RAB3GAP2: variants seen among roughly 807,000 people sequenced by gnomAD.
RAB3GAP2 encodes the protein rab3 GTPase-activating protein non-catalytic subunit.
Under a neutral mutation model 185.3 loss-of-function variants are expected in RAB3GAP2, and 87 were observed. That is an observed-to-expected ratio of 0.47 (90% CI 0.39 to 0.56). RAB3GAP2 has a LOEUF of 0.56. Ranked by LOEUF, RAB3GAP2 falls within the 20% of genes least tolerant of loss-of-function variation. RAB3GAP2 has a pLI of 0.00. For missense variants in RAB3GAP2, 1,492 were observed against 1,638.2 expected (o/e 0.91, Z 1.54); for synonymous variants, 554 against 576.1 (o/e 0.96, Z 0.55).
intron 26 of RAB3GAP2, 23 bp downstream of exon 26, chr1:220,167,270 G>A: frequency 6.3e-7 from 1 of 1,578,558 alleles, no homozygotes; most frequent in Non-Finnish European, 8.7e-7. Flanking sequence ...GAAATAACAT[G>A]AAAGAGGTAA....
chr1:220,189,294 T>C (rs1658563190), intron 17 of RAB3GAP2, among the ~76,000 whole-genome samples: 1 of 152,010 alleles, frequency 6.6e-6, no homozygotes, highest in South Asian at 2.1e-4. Context: ...CTCAGCTCAC[T>C]GCAACCTCCG....
chr1:220,189,875 T>C (rs576537261), intron 16 of RAB3GAP2, 108 bp from the exon 17 acceptor site: 23 of 1,139,002 alleles, frequency 2.0e-5, no homozygotes, highest in South Asian at 3.1e-5. Flanking sequence ...TAAAGGATTT[T>C]TGGGTTCTCT....
intron 4 of RAB3GAP2, chr1:220,211,474 A>C (rs1659084202): frequency 2.4e-6 from 1 of 417,742 alleles, no homozygotes; most frequent in African/African-American, 2.1e-5. Context: ...TCTGCAGGGT[A>C]CATTATTTTA....
At chr1:220,256,438 C>A (rs2102527963) in intron 1 of RAB3GAP2, among the ~76,000 whole-genome samples, 1 of 152,120 alleles carries the variant, frequency 6.6e-6, no homozygotes. Flanking sequence ...GGCTAAATGC[C>A]CCAATTAAAA....
chr1:220,149,187 T>C lies in RAB3GAP2; in HGVS notation c.*2064A>G, dbSNP rs1450485485. 6.6e-6 allele frequency: 1 copy of C among 152,206 alleles called. No individual in the cohort carries two copies. The highest frequency in any genetic ancestry group is 1.9e-4 in the East Asian group (1 of 5,196). 9.4% of individuals were successfully genotyped at this position (152,206 alleles called of 1,614,324 possible). ...TAAAAGCCCTTGATAAGTAGTAAAA[T>C]ATTTAACTGCTTTTCTTAACCATAC... On this transcript the variant is annotated 3_prime_UTR_variant, in exon 35 of 35. Transcript: ENST00000358951.
intron 1 of RAB3GAP2, among the ~76,000 whole-genome samples, chr1:220,246,777 G>T (rs1255663505): frequency 4.2e-5 from 5 of 117,756 alleles, no homozygotes; most frequent in African/African-American, 1.6e-4. Context: ...TCGTGGGGTG[G>T]GGGGAGGGGG....
chr1:220,152,937 C>A (rs573896821), intron 33 of RAB3GAP2, among the ~76,000 whole-genome samples: 1 of 152,244 alleles, frequency 6.6e-6, no homozygotes, highest in Non-Finnish European at 1.5e-5. Flanking sequence ...CTATCAAGTC[C>A]ATGATGAAGG....
rs750764719 is a variant in RAB3GAP2 at position 220,193,310 on chromosome 1, T to C, written c.1200A>G (p.Ala400=). The C allele has an allele frequency of 6.2e-7, 1 of 1,614,040 alleles. No homozygotes were observed. Among genetic ancestry groups the C allele is most frequent in the Admixed American group, 1.7e-5 (1 of 60,014 alleles). ...ICLSPCNTLA[A]VTDDFGRVIL... is the part of the protein sequence containing the mutation. ...TAACTCTGCCGAAATCATCTGTTAC[T>C]GCTGCCAGTGTGTTACATGGAGACA... Residue 400 remains alanine (A), a synonymous_variant, in exon 13 of 35, where the codon GCA becomes GCG. Coordinates refer to ENST00000358951, the MANE Select transcript of RAB3GAP2 (RefSeq NM_012414.4).
intron 1 of RAB3GAP2, chr1:220,266,182 G>T: frequency 5.7e-6 from 1 of 175,952 alleles, no homozygotes; most frequent in Non-Finnish European, 1.2e-5. Flanking sequence ...ATCTCTAGCA[G>T]CTGTCCACAG....
chr1:220,259,286 G>A (rs918827038), intron 1 of RAB3GAP2, among the ~76,000 whole-genome samples: 5 of 152,048 alleles, frequency 3.3e-5, no homozygotes, highest in African/African-American at 1.2e-4. Flanking sequence ...ACAATTCTAA[G>A]CAAAAAGAAC....
intron 1 of RAB3GAP2, among the ~76,000 whole-genome samples, chr1:220,256,497 C>G (rs992730172): frequency 6.6e-6 from 1 of 152,056 alleles, no homozygotes; most frequent in African/African-American, 2.4e-5. Flanking sequence ...CAAGGACCCA[C>G]CTCACATGCA....
In RAB3GAP2 at chr1:220,189,720, G is replaced by A. The variant is rs181502287; in HGVS notation, c.1762C>T (p.Pro588Ser). Residue 588 changes from proline to serine, a missense_variant, in exon 17 of 35, where the codon CCT becomes TCT. Physicochemically the swap from Pro to Ser is moderately conservative, Grantham distance 74. Coordinates refer to ENST00000358951, the MANE Select transcript of RAB3GAP2 (RefSeq NM_012414.4). ...IKELILDIKY[P>S]ATKKQALESI... ...ACACTTACTTGTTTTTTGGTTGCAG[G>A]GTATTTAATATCAAGAATTAATTCC... 1.9e-6 allele frequency: 3 copies of A among 1,556,156 alleles called. No individual in the cohort carries two copies. In the African/African-American group the frequency reaches 4.1e-5, roughly 21 times the overall value.
intron 21 of RAB3GAP2, among the ~76,000 whole-genome samples, chr1:220,174,019 C>CAAAAAAAAAAAA (rs398050108): frequency 2.0e-5 from 1 of 51,004 alleles, no homozygotes; most frequent in Non-Finnish European, 4.0e-5. Context: ...GACTCTGTCT[C>CAAAAAAAAAAAA]AAAAAAAAAA....
At chr1:220,268,507 T>C (rs1362728349) in intron 1 of RAB3GAP2, among the ~76,000 whole-genome samples, 1 of 152,180 alleles carries the variant, frequency 6.6e-6, no homozygotes, top group Non-Finnish European at 1.5e-5. Context: ...CTGGAAAAGA[T>C]CAAAGTGCAA....
rs1029955433 is a variant in RAB3GAP2, at chr1:220,212,340, T to C, written c.386+547A>G. Among the ~76,000 whole-genome samples the C allele has an allele frequency of 1.2e-4, 18 of 152,362 alleles. No homozygotes were observed. The East Asian group carries it at 3.5e-3, about 29-fold the overall frequency. ...AAAAAGGATTTTACGAGATTCTTTT[T>C]GAATTCTTCCTTAAATCTTCCAACA... On this transcript the variant is annotated intron_variant, in intron 4 of 34. Transcript: ENST00000358951.
intron 1 of RAB3GAP2, among the ~76,000 whole-genome samples, chr1:220,260,229 C>T (rs11586671): frequency 0.04 from 6,107 of 152,186 alleles, 190 homozygotes; most frequent in East Asian, 0.091. Flanking sequence ...CCCAGCAATC[C>T]CATTACTGGG....
intron 27 of RAB3GAP2, among the ~76,000 whole-genome samples, 166 bp from the exon 28 acceptor site, chr1:220,162,434 A>ATT (rs1163011185): frequency 3.3e-5 from 5 of 152,230 alleles, no homozygotes; most frequent in Non-Finnish European, 5.9e-5. Context: ...ATTTCATTTA[A>ATT]AATCTGATTT....
chr1:220,151,594 T>C lies in RAB3GAP2; in HGVS notation c.4026+12A>G, dbSNP rs140981708. ...AATGACCTTTTGCCTGATCTCGTTCTATTGTACTGACCATTGCTTTCAGCC... is the reference window on the plus strand; with the variant it reads ...AATGACCTTTTGCCTGATCTCGTTCCATTGTACTGACCATTGCTTTCAGCC... On this transcript the variant is annotated intron_variant, in intron 34 of 34. Coordinates refer to ENST00000358951, the MANE Select transcript of RAB3GAP2 (RefSeq NM_012414.4). The C allele has an allele frequency of 6.8e-5, 109 of 1,605,292 alleles. No homozygotes were observed. Among genetic ancestry groups the C allele is most frequent in the Non-Finnish European group, 8.8e-5 (103 of 1,171,906 alleles).
intron 1 of RAB3GAP2, among the ~76,000 whole-genome samples, chr1:220,234,835 G>C (rs1659563029): frequency 6.6e-6 from 1 of 152,164 alleles, no homozygotes; most frequent in Non-Finnish European, 1.5e-5. Context: ...AAGGCTAGGG[G>C]AAAAAGTCAA....
Sources: allele counts gnomAD v4.1 joint callset (sites outside exome capture counted in the v4.1 genomes callset), GRCh38; gene constraint gnomAD v4.1.1; transcripts MANE v1.5; gene names NCBI Gene and HGNC (gene_info 2026-07-23, HGNC 2026-07-21).